AVEN: variants seen among roughly 807,000 people sequenced by gnomAD.
AVEN encodes the protein apoptosis and caspase activation inhibitor, also known as cell death regulator Aven.
AVEN carries 41 observed loss-of-function variants against 38.1 expected under a neutral mutation model. That is an observed-to-expected ratio of 1.08 (90% CI 0.84 to 1.40). AVEN has a LOEUF of 1.40. Among genes scored for constraint, AVEN ranks in the 40% most tolerant of loss-of-function variants. AVEN has a pLI of 0.00. For synonymous variants in AVEN, 206 were observed against 171.8 expected, an observed-to-expected ratio of 1.20 and a Z score of -1.56; for missense variants, 605 against 438.8, an observed-to-expected ratio of 1.38 and a Z score of -3.38.
chr15:34,040,322 A>G (rs1899416499), upstream of AVEN, among the ~76,000 whole-genome samples: 1 of 152,216 alleles, frequency 6.6e-6, no homozygotes, highest in Non-Finnish European at 1.5e-5. Context: ...ATTATATTTA[A>G]ACGGGTTACC....
chr15:33,871,629 G>C (rs1263444301), intron 3 of AVEN, among the ~76,000 whole-genome samples: 1 of 152,088 alleles, frequency 6.6e-6, no homozygotes, highest in East Asian at 1.9e-4. Context: ...TGACTGACAA[G>C]CTGAAAGAAA....
intron 5 of AVEN, 143 bp downstream of exon 5, chr15:33,867,352 G>GT (rs1890642859): frequency 8.3e-7 from 1 of 1,200,124 alleles, no homozygotes; most frequent in African/African-American, 1.5e-5. Context: ...AAGCAGAGAC[G>GT]TGAGCACAGA....
At position 33,938,709 on chromosome 15, in the gene AVEN, G is replaced by A. The variant is rs1894196655; in HGVS notation, c.446-62714C>T. On this transcript the variant is annotated intron_variant, in intron 2 of 5. Transcript: ENST00000306730. ...AAACTGGTCAAATTTTTAAAACAGA[G>A]AATGCATTAGTTATGTAACCAGAAT... Among the ~76,000 whole-genome samples, 4 of 152,120 alleles carry A rather than the reference G, an allele frequency of 2.6e-5. No homozygotes were observed. In the South Asian group the frequency reaches 8.3e-4, roughly 31 times the overall value.
intron 1 of AVEN, among the ~76,000 whole-genome samples, chr15:34,005,919 A>T (rs1304470410): frequency 6.6e-6 from 1 of 152,220 alleles, no homozygotes; most frequent in South Asian, 2.1e-4. Context: ...TGAAAACTAG[A>T]GCATTCCTGC....
At chr15:33,973,203 TTATCACTATAGAA>T (rs1895714671) in intron 2 of AVEN, among the ~76,000 whole-genome samples, 1 of 152,230 alleles carries the variant, frequency 6.6e-6, no homozygotes, top group South Asian at 2.1e-4. Flanking sequence ...TATTTCCTGA[TTATCACTATAGAA>T]ATGTAGCACT....
At chr15:33,989,431 G>C (rs1282181105) in intron 2 of AVEN, among the ~76,000 whole-genome samples, 2 of 149,132 alleles carry the variant, frequency 1.3e-5, no homozygotes, top group East Asian at 2.0e-4. Context: ...ATTTCTAACA[G>C]CTGGTTTTGT....
At chr15:33,867,369 T>C in intron 5 of AVEN, 126 bp downstream of exon 5, 1 of 1,310,038 alleles carries the variant, frequency 7.6e-7, no homozygotes, top group Non-Finnish European at 1.0e-6. Context: ...CAGAAATAGA[T>C]GTCAGTGGAC....
At chr15:33,908,795 A>T (rs1892807075) in intron 2 of AVEN, among the ~76,000 whole-genome samples, 1 of 152,216 alleles carries the variant, frequency 6.6e-6, no homozygotes, top group Non-Finnish European at 1.5e-5. Context: ...TTAAAAAGAC[A>T]AATAATTCAG....
chr15:34,068,116 CTGTATG>C (rs1734056538), intron 2 of AVEN, among the ~76,000 whole-genome samples: 1 of 142,902 alleles, frequency 7.0e-6, no homozygotes, highest in South Asian at 2.3e-4. Flanking sequence ...CCTGCTCTCT[CTGTATG>C]TGTGTGTGTG....
downstream of AVEN, chr15:33,865,135 C>CTTATGTCTGGAAGATGT: frequency 6.2e-7 from 1 of 1,611,438 alleles, no homozygotes; most frequent in Non-Finnish European, 8.5e-7. Context: ...TTTCAGGAAT[C>CTTATGTCTGGAAGATGT]TTATGTCTGG....
At chr15:34,008,087 G>A (rs1225635108) in intron 1 of AVEN, among the ~76,000 whole-genome samples, 1 of 151,942 alleles carries the variant, frequency 6.6e-6, no homozygotes, top group Non-Finnish European at 1.5e-5. Flanking sequence ...AAAATTCTTG[G>A]AAGAAAAAAT....
chr15:33,957,505 A>G (rs550709580), intron 2 of AVEN, among the ~76,000 whole-genome samples: 1 of 152,354 alleles, frequency 6.6e-6, no homozygotes, highest in South Asian at 2.1e-4. Context: ...TTTACCCAAG[A>G]GAAATGAAAA....
upstream of AVEN, among the ~76,000 whole-genome samples, chr15:34,042,407 T>TG (rs1258371137): frequency 6.6e-6 from 1 of 150,676 alleles, no homozygotes. Flanking sequence ...TTTTTTTTTT[T>TG]TTTTTTTTTT....
At chr15:33,859,637 A>G (rs771500613) in intron 11 of AVEN, 1 of 1,613,996 alleles carries the variant, frequency 6.2e-7, no homozygotes, top group South Asian at 1.1e-5. Flanking sequence ...ATGAAATTGA[A>G]GACCCTGCTG....
At chr15:34,041,742 T>C (rs1313383326), upstream of AVEN, among the ~76,000 whole-genome samples, 1 of 152,214 alleles carries the variant, frequency 6.6e-6, no homozygotes, top group East Asian at 1.9e-4. Context: ...ATCTTCAAAA[T>C]ATCCCTATGA....
chr15:34,039,260 C>G (rs1424634360), upstream of AVEN: 7 of 206,698 alleles, frequency 3.4e-5, no homozygotes, highest in Non-Finnish European at 6.1e-5. Flanking sequence ...GAACCGGGAC[C>G]GCGGGAAGGC....
At chr15:34,070,361 AT>A (rs1468236348) in intron 2 of AVEN, among the ~76,000 whole-genome samples, 1 of 150,792 alleles carries the variant, frequency 6.6e-6, no homozygotes, top group Admixed American at 6.6e-5. Context: ...TCTCTGGTTT[AT>A]CCCTTCTTTG....
intron 2 of AVEN, among the ~76,000 whole-genome samples, chr15:33,998,945 G>A (rs575428049): frequency 6.6e-6 from 1 of 152,250 alleles, no homozygotes; most frequent in South Asian, 2.1e-4. Context: ...TCACCCAAAT[G>A]TATTATTGCC....
chr15:33,865,340 TAAAAAA>T (rs200704038), downstream of AVEN: 2 of 622,244 alleles, frequency 3.2e-6, no homozygotes, highest in Admixed American at 3.4e-5. Context: ...ATGCCTCCCT[TAAAAAA>T]AAAACTGCTG....
Sources: gnomAD v4.1 joint callset for allele counts (sites outside exome capture counted in the v4.1 genomes callset) on GRCh38, gnomAD v4.1.1 for gene constraint, MANE v1.5 for transcripts, NCBI Gene and HGNC (gene_info 2026-07-23, HGNC 2026-07-21) for gene names.